PRG4: variants seen among roughly 807,000 people sequenced by gnomAD.
PRG4 encodes proteoglycan 4, also known as articular superficial zone protein.
Under a neutral mutation model 91.2 loss-of-function variants are expected in PRG4, and 61 were observed. The observed-to-expected ratio is 0.67, with a 90% CI of 0.54 to 0.83. The LOEUF is 0.83. Ranked by LOEUF, PRG4 falls within the 40% of genes least tolerant of loss-of-function variation. The pLI is 0.00. For synonymous variants in PRG4, 576 were observed against 614.2 expected (o/e 0.94, Z 0.92); for missense variants, 1,564 against 1,714.2 (o/e 0.91, Z 1.55).
At chr1:186,298,501 T>C (rs1483670125) in intron 2 of PRG4, among the ~76,000 whole-genome samples, 2 of 152,126 alleles carry the variant, frequency 1.3e-5, no homozygotes, top group Admixed American at 6.5e-5. Context: ...CTTTTTTTTT[T>C]TTCTTTTGAG....
Position 186,307,071 on chromosome 1 carries a change from C to T in PRG4, c.1352C>T (p.Pro451Leu), listed in dbSNP as rs527272892. 2.5e-6 allele frequency: 4 copies of T among 1,590,864 alleles called. No individual in the cohort carries two copies. The highest frequency in any genetic ancestry group is 2.6e-6 in the Non-Finnish European group (3 of 1,170,924). Reference protein sequence around the residue: ...KKPAPTTPKEPAPTTPKEPTP... With the variant: ...KKPAPTTPKELAPTTPKEPTP... Reference sequence around the variant, plus strand: ...CCTGCCCCAACTACCCCCAAGGAGCCTGCACCCACCACTCCCAAGGAGCCT... The same window carrying T: ...CCTGCCCCAACTACCCCCAAGGAGCTTGCACCCACCACTCCCAAGGAGCCT... The change falls in exon 7 of 13, where the codon CCT becomes CTT. Residue 451 changes from proline (P) to leucine (L), a missense_variant. By Grantham distance (98) the Pro-to-Leu change is moderately conservative. Around this residue, in one of 3 missense-constraint regions of PRG4, gnomAD observed 48 missense variants for 93.0 expected, o/e 0.52. Transcript: ENST00000445192.
Position 186,314,273 on chromosome 1 carries a change from T to C in PRG4, c.*495T>C. The C allele has an allele frequency of 2.2e-6, 1 of 455,874 alleles. No homozygotes were observed. The highest frequency in any genetic ancestry group is 3.8e-6 in the Non-Finnish European group (1 of 259,974). 28.2% of individuals were successfully genotyped at this position (455,874 alleles called of 1,614,324 possible). On this transcript the variant is annotated 3_prime_UTR_variant, in exon 13 of 13. Transcript: ENST00000445192. ...TTTTACACTTTTACTAGCTAAAACA[T>C]AATCACAAAGCTTTATCGTGTTGTA...
intron 4 of PRG4, 58 bp from the exon 5 acceptor site, chr1:186,304,050 T>A: frequency 2.5e-6 from 4 of 1,579,998 alleles, no homozygotes; most frequent in Non-Finnish European, 3.5e-6. Context: ...CTTTTCACAG[T>A]TAGAGCTGCT....
Position 186,314,025 on chromosome 1 carries a change from A to G in PRG4, c.*247A>G. ...CTCTCCCTCCCATTGCATGGCTCACACCTGTAAAAGAAAAAAGAATCAAAT... is the reference window on the plus strand; with the variant it reads ...CTCTCCCTCCCATTGCATGGCTCACGCCTGTAAAAGAAAAAAGAATCAAAT... On this transcript the variant is annotated 3_prime_UTR_variant, in exon 13 of 13. Transcript: ENST00000445192. The G allele has an allele frequency of 6.2e-7, 1 of 1,609,934 alleles. No homozygotes were observed. Among genetic ancestry groups the G allele is most frequent in the African/African-American group, 1.3e-5 (1 of 74,950 alleles).
chr1:186,311,709 ATTTTCAGTG>A, intron 10 of PRG4, 113 bp downstream of exon 10: 1 of 1,168,472 alleles, frequency 8.6e-7, no homozygotes, highest in Non-Finnish European at 1.2e-6. Flanking sequence ...GAAATCAAAT[ATTTTCAGTG>A]AAAAAAATCA....
intron 4 of PRG4, 36 bp downstream of exon 4, chr1:186,301,747 C>T: frequency 1.2e-6 from 2 of 1,606,768 alleles, no homozygotes; most frequent in Non-Finnish European, 1.7e-6. Flanking sequence ...CTTCTCAGTA[C>T]AGCCAGATCT....
intron 10 of PRG4, chr1:186,311,908 A>G: frequency 1.9e-6 from 1 of 540,250 alleles, no homozygotes; most frequent in Non-Finnish European, 3.3e-6. Flanking sequence ...GTTTTAGTAT[A>G]TGTGCTGCCA....
Position 186,312,177 on chromosome 1 carries a change from G to A in PRG4, c.3796G>A (p.Gly1266Ser). 1 of 1,613,328 alleles carries A rather than the reference G, an allele frequency of 6.2e-7. No individual in the cohort carries two copies. The highest frequency in any genetic ancestry group is 8.5e-7 in the Non-Finnish European group (1 of 1,179,420). The change falls in exon 11 of 13, where the codon GGC becomes AGC. Residue 1266 changes from glycine (G) to serine (S), a missense_variant and splice_region_variant. This residue lies in a region of PRG4 where 1,079 missense variants were observed against 1,162.2 expected (regional missense o/e 0.93). Coordinates refer to ENST00000445192, the MANE Select transcript of PRG4 (RefSeq NM_005807.6). ...PESVYFFKRGGSIQQYIYKQE... is the reference protein window; with the variant it reads ...PESVYFFKRGSSIQQYIYKQE... ...TGTGATATTCTAATACATAACAGGT[G>A]GCAGCATTCAGCAGTATATTTATAA...
chr1:186,305,843 A>G (rs1656520390), intron 6 of PRG4, among the ~76,000 whole-genome samples: 2 of 152,164 alleles, frequency 1.3e-5, no homozygotes, highest in Non-Finnish European at 2.9e-5. Context: ...ATGTATGGGA[A>G]CAAGGCTCAG....
intron 4 of PRG4, 60 bp downstream of exon 4, chr1:186,301,771 A>G: frequency 1.3e-6 from 2 of 1,564,488 alleles, no homozygotes; most frequent in South Asian, 2.2e-5. Flanking sequence ...CACCTACCTT[A>G]GCATCACTGA....
intron 4 of PRG4, 81 bp from the exon 5 acceptor site, chr1:186,304,027 A>G (rs1006533750): frequency 2.0e-5 from 27 of 1,372,148 alleles, no homozygotes; most frequent in Middle Eastern, 1.8e-4. Context: ...TCTTGAAGCT[A>G]GATGCATCTG....
chr1:186,314,506 T>A lies in PRG4; in HGVS notation c.*728T>A, dbSNP rs1657525935. The A allele has an allele frequency of 1.5e-6, 1 of 649,976 alleles. No individual in the cohort carries two copies. The highest frequency in any genetic ancestry group is 1.8e-5 in the African/African-American group (1 of 54,456). 40.3% of individuals were successfully genotyped at this position (649,976 alleles called of 1,614,324 possible). Reference sequence around the variant, plus strand: ...TGGTAAATATCACCTGCTCAACATGTAATTATTTAATAAAACTTTGGAACA... The same window carrying A: ...TGGTAAATATCACCTGCTCAACATGAAATTATTTAATAAAACTTTGGAACA... On this transcript the variant is annotated 3_prime_UTR_variant, in exon 13 of 13. Coordinates refer to ENST00000445192, the MANE Select transcript of PRG4 (RefSeq NM_005807.6).
At position 186,308,018 on chromosome 1, in the gene PRG4, C is replaced by G. The variant is rs1475314020; in HGVS notation, c.2299C>G (p.Pro767Ala). ...TCCAACTACCCCTAAGGAGCCTGCTCCAACTACCCCTAAGGAGCCTGCTCC... is the reference window on the plus strand; with the variant it reads ...TCCAACTACCCCTAAGGAGCCTGCTGCAACTACCCCTAAGGAGCCTGCTCC... ...TAPTTPKEPA[P>A]TTPKEPAPTT... The change falls in exon 7 of 13, where the codon CCA becomes GCA. Residue 767 changes from proline to alanine, a missense_variant. Pro to Ala is a conservative substitution (Grantham distance 27). This residue lies in a region of PRG4 where 1,079 missense variants were observed against 1,162.2 expected (regional missense o/e 0.93). Transcript: ENST00000445192. The G allele has an allele frequency of 1.9e-6, 3 of 1,609,644 alleles. No homozygotes were observed. Among genetic ancestry groups the G allele is most frequent in the Admixed American group, 3.4e-5 (2 of 59,096 alleles).
In PRG4 at chr1:186,306,317, G is replaced by C; in HGVS notation, c.599-1G>C. On this transcript the variant is annotated splice_acceptor_variant, in intron 6 of 12. Coordinates refer to ENST00000445192, the MANE Select transcript of PRG4 (RefSeq NM_005807.6). LOFTEE classifies it high-confidence loss of function. ...TAACAAGATGTATATTTTTTCTCCA[G>C]TAAAAGATAACAAGAAGAACAGAAC... is the stretch of plus-strand genomic sequence containing the variant. 6.3e-7 allele frequency: 1 copy of C among 1,577,242 alleles called. No homozygotes were observed. The highest frequency in any genetic ancestry group is 8.6e-7 in the Non-Finnish European group (1 of 1,163,770).
chr1:186,311,308 T>C, intron 9 of PRG4, 132 bp from the exon 10 acceptor site: 1 of 1,414,830 alleles, frequency 7.1e-7, no homozygotes, highest in South Asian at 1.2e-5. Flanking sequence ...ATTCAACAGT[T>C]TGATAACAGT....
rs142813803 is a variant in PRG4 at position 186,300,211 on chromosome 1, C to T, written c.197C>T (p.Ala66Val). 1.5e-5 allele frequency: 24 copies of T among 1,613,974 alleles called. No homozygotes were observed. Among genetic ancestry groups the T allele is most frequent in the Middle Eastern group, 1.7e-4 (1 of 5,928 alleles). The change falls in exon 3 of 13, where the codon GCG (alanine) becomes GTG (valine). Residue 66 changes from alanine (A) to valine (V), a missense_variant and splice_region_variant. This residue lies in a region of PRG4 where 437 missense variants were observed against 459.0 expected (regional missense o/e 0.95). Transcript: ENST00000445192. ...CCPDFKRVCT[A>V]ELSCKGRCFE... ...CCTGATTTCAAGAGAGTCTGCACTG[C>T]GGGTAAGTCCTGAGAGCGGGTGTCT...
chr1:186,312,165 T>TA lies in PRG4; in HGVS notation c.3794-9dup. ...TTTCATTTTCCATGTGATATTCTAA[T>TA]ACATAACAGGTGGCAGCATTCAGCA... is the stretch of plus-strand genomic sequence containing the variant. On this transcript the variant is annotated splice_polypyrimidine_tract_variant and intron_variant, in intron 10 of 12. Transcript: ENST00000445192. The TA allele has an allele frequency of 6.2e-7, 1 of 1,612,262 alleles. No individual in the cohort carries two copies. The highest frequency in any genetic ancestry group is 1.1e-5 in the South Asian group (1 of 91,042).
intron 3 of PRG4, 94 bp from the exon 4 acceptor site, chr1:186,301,498 A>G: frequency 6.4e-7 from 1 of 1,558,820 alleles, no homozygotes. Flanking sequence ...AACTTTTGGA[A>G]ACCTAGTCAA....
At chr1:186,311,974 G>A in intron 10 of PRG4, 1 of 571,370 alleles carries the variant, frequency 1.8e-6, no homozygotes, top group Non-Finnish European at 3.1e-6. Flanking sequence ...GTAATTTGCT[G>A]CATCTATTCA....
Sources: allele counts gnomAD v4.1 joint callset (sites outside exome capture counted in the v4.1 genomes callset), GRCh38; gene constraint gnomAD v4.1.1; regional missense constraint gnomAD v4.1.1; transcripts MANE v1.5; gene names NCBI Gene and HGNC (gene_info 2026-07-23, HGNC 2026-07-21).